The following CECR2 variants were observed in gnomAD, a reference collection of about 807,000 sequenced individuals.
CECR2 encodes the protein chromatin remodeling regulator CECR2.
Under a neutral mutation model 154.5 loss-of-function variants are expected in CECR2, and 30 were observed. The observed-to-expected ratio is 0.19, with a 90% confidence interval of 0.15 to 0.26. CECR2 has a LOEUF of 0.26. CECR2 is among the 10% of genes least tolerant of loss of function. The pLI, the probability that CECR2 is intolerant of heterozygous loss-of-function variation, is 1.00. For missense variants in CECR2, 1,743 were observed against 1,829.3 expected, an observed-to-expected ratio of 0.95 and a Z score of 0.86; for synonymous variants, 725 against 683.7, an observed-to-expected ratio of 1.06 and a Z score of -0.94.
At chr22:17,482,885 A>G (rs547270383) in intron 2 of CECR2, among the ~76,000 whole-genome samples, 1 of 151,126 alleles carries the variant, frequency 6.6e-6, no homozygotes. Flanking sequence ...GTTTCACCGC[A>G]TTAGCCAGGA....
At position 17,424,233 on chromosome 22, in the gene CECR2, C is replaced by T. The variant is rs555766779; in HGVS notation, c.127-53355C>T. 8.5e-5 allele frequency among the ~76,000 whole-genome samples: 13 copies of T among 152,130 alleles called. No individual in the cohort carries two copies. In the East Asian group the frequency reaches 2.5e-3, roughly 29 times the overall value. ...GCTTACAGGTGTGAGCCACCACACC[C>T]GGCCATGGTTACTTTTTTTTTTTAA... On this transcript the variant is annotated intron_variant, in intron 1 of 18. Coordinates refer to ENST00000262608, the MANE Select transcript of CECR2 (RefSeq NM_001290047.2).
At chr22:17,363,552 A>G (rs1377661291) in intron 1 of CECR2, among the ~76,000 whole-genome samples, 3 of 152,132 alleles carry the variant, frequency 2.0e-5, no homozygotes, top group Admixed American at 2.0e-4. Context: ...TATGTTGGCC[A>G]GGCTGGGCTC....
At chr22:17,521,524 CAA>C (rs695285) in intron 8 of CECR2, among the ~76,000 whole-genome samples, 144 of 142,298 alleles carry the variant, frequency 1.0e-3, no homozygotes, top group East Asian at 1.2e-3. Flanking sequence ...GACTCCATCT[CAA>C]AAAAAAAAAA....
At chr22:17,375,041 A>G (rs1288177169) in intron 1 of CECR2, among the ~76,000 whole-genome samples, 1 of 152,314 alleles carries the variant, frequency 6.6e-6, no homozygotes, top group Middle Eastern at 3.4e-3. Context: ...TGTGGGGTAC[A>G]GAAGATCTTT....
intron 1 of CECR2, among the ~76,000 whole-genome samples, chr22:17,363,396 C>T (rs1396544502): frequency 6.6e-6 from 1 of 152,040 alleles, no homozygotes; most frequent in Non-Finnish European, 1.5e-5. Flanking sequence ...TTAGTAGACA[C>T]GGACATTCAC....
chr22:17,428,826 G>GTGTGTGTGTATA (rs369291932), intron 1 of CECR2, among the ~76,000 whole-genome samples: 115 of 150,710 alleles, frequency 7.6e-4, no homozygotes, highest in African/African-American at 2.7e-3. Context: ...GTGTGTGTGT[G>GTGTGTGTGTATA]TATATAAAGG....
At position 17,460,320 on chromosome 22, in the gene CECR2, C is replaced by T. The variant is rs570889219; in HGVS notation, c.127-17268C>T. 2.0e-5 allele frequency among the ~76,000 whole-genome samples: 3 copies of T among 152,266 alleles called. No individual in the cohort carries two copies. In the East Asian group the frequency reaches 5.8e-4, roughly 29 times the overall value. On this transcript the variant is annotated intron_variant, in intron 1 of 18. Transcript: ENST00000262608. Reference sequence around the variant, plus strand: ...TGTCTCCTGGGTTCAAGCAATTCTCCCGCCTCAGCCTCCCGACTAGCTGGG... The same window carrying T: ...TGTCTCCTGGGTTCAAGCAATTCTCTCGCCTCAGCCTCCCGACTAGCTGGG...
At chr22:17,550,929 A>G (rs573444800) in intron 17 of CECR2, among the ~76,000 whole-genome samples, 1 of 152,100 alleles carries the variant, frequency 6.6e-6, no homozygotes, top group South Asian at 2.1e-4. Flanking sequence ...GCAACAGAGC[A>G]AGACTCTGTC....
intron 8 of CECR2, chr22:17,518,677 T>G: frequency 4.5e-6 from 2 of 445,920 alleles, no homozygotes; most frequent in Non-Finnish European, 4.6e-6. Flanking sequence ...CAGGTCTTAT[T>G]GATGAATTAC....
At chr22:17,498,966 TA>T (rs1343715127) in intron 3 of CECR2, among the ~76,000 whole-genome samples, 1 of 151,666 alleles carries the variant, frequency 6.6e-6, no homozygotes, top group Admixed American at 6.6e-5. Context: ...TTACATAAGA[TA>T]CTTGGACATT....
Position 17,524,180 on chromosome 22 carries a change from G to T in CECR2, c.1017G>T (p.Gln339His). The T allele has an allele frequency of 6.2e-7, 1 of 1,607,850 alleles. No individual in the cohort carries two copies. The highest frequency in any genetic ancestry group is 1.7e-5 in the Admixed American group (1 of 58,992). ...GCAAAGAGGAGGAAGAAGAGCGTCA[G>T]ATTCTTCTAGCAGTGCAGAAGAAGG... is the stretch of plus-strand genomic sequence containing the variant. Reference protein sequence around the residue: ...QKRKEEEEERQILLAVQKKEQ... With the variant: ...QKRKEEEEERHILLAVQKKEQ... The change falls in exon 9 of 19, where the codon CAG (glutamine) becomes CAT (histidine). Residue 339 changes from glutamine to histidine, a missense_variant. Physicochemically the swap from Gln to His is conservative, Grantham distance 24. Around this residue, in one of 4 missense-constraint regions of CECR2, gnomAD observed 292 missense variants for 301.2 expected, o/e 0.97. Coordinates refer to ENST00000262608, the MANE Select transcript of CECR2 (RefSeq NM_001290047.2).
At chr22:17,375,861 A>AG in intron 1 of CECR2, among the ~76,000 whole-genome samples, 1 of 152,022 alleles carries the variant, frequency 6.6e-6, no homozygotes, top group Non-Finnish European at 1.5e-5. Flanking sequence ...AGGCTGAGGC[A>AG]GGAGAATTCA....
At chr22:17,474,089 G>GA (rs2055170941) in intron 1 of CECR2, among the ~76,000 whole-genome samples, 1 of 152,082 alleles carries the variant, frequency 6.6e-6, no homozygotes, top group African/African-American at 2.4e-5. Context: ...AAAGAGAAAA[G>GA]GCTTTACTCT....
rs1368801082 is a variant in CECR2, at chr22:17,374,962, G to C, written c.126+5053G>C. On this transcript the variant is annotated intron_variant, in intron 1 of 18. Coordinates refer to ENST00000262608, the MANE Select transcript of CECR2 (RefSeq NM_001290047.2). ...CTGCAGGTCTTATTATCTTTAAAAT[G>C]ACGGGCCAGACCCATATGGAATGGC... Among the ~76,000 whole-genome samples, 4 of 152,038 alleles carry C rather than the reference G, an allele frequency of 2.6e-5. No individual in the cohort carries two copies. The East Asian group carries it at 7.7e-4, about 29-fold the overall frequency.
intron 1 of CECR2, among the ~76,000 whole-genome samples, chr22:17,438,960 G>A (rs1369824440): frequency 1.3e-5 from 2 of 152,098 alleles, no homozygotes; most frequent in Non-Finnish European, 2.9e-5. Flanking sequence ...AGGATCACTT[G>A]AGGCCAGGAC....
chr22:17,402,237 G>A (rs888893633), intron 1 of CECR2, among the ~76,000 whole-genome samples: 5 of 152,104 alleles, frequency 3.3e-5, no homozygotes, highest in African/African-American at 1.2e-4. Flanking sequence ...CACCTGCCTC[G>A]GCCTCCCAAA....
Position 17,543,053 on chromosome 22 carries a change from A to T in CECR2, c.2860+50A>T, listed in dbSNP as rs923157774. 4 of 1,526,624 alleles carry T rather than the reference A, an allele frequency of 2.6e-6. No individual in the cohort carries two copies. The African/African-American group carries it at 5.5e-5, about 21-fold the overall frequency. 94.6% of individuals were successfully genotyped at this position (1,526,624 alleles called of 1,614,324 possible). On this transcript the variant is annotated intron_variant, in intron 16 of 18. Coordinates refer to ENST00000262608, the MANE Select transcript of CECR2 (RefSeq NM_001290047.2). ...TCTTTAAGCTCTTGTTTCATGAGTA[A>T]TCTTTTTACACAGCATATCAAACCA...
intron 1 of CECR2, among the ~76,000 whole-genome samples, chr22:17,380,620 T>C (rs1376002844): frequency 6.6e-6 from 1 of 152,186 alleles, no homozygotes; most frequent in East Asian, 1.9e-4. Flanking sequence ...CAGAACAGAC[T>C]GTGTGTACCC....
intron 1 of CECR2, among the ~76,000 whole-genome samples, chr22:17,447,038 T>TTTTTTTTG: frequency 1.4e-5 from 2 of 141,608 alleles, no homozygotes; most frequent in East Asian, 4.5e-4. Flanking sequence ...ACAATCTTTT[T>TTTTTTTTG]TTTTTTTTTT....
Sources: allele counts gnomAD v4.1 joint callset (sites outside exome capture counted in the v4.1 genomes callset), GRCh38; gene constraint gnomAD v4.1.1; regional missense constraint gnomAD v4.1.1; transcripts MANE v1.5; gene names NCBI Gene and HGNC (gene_info 2026-07-23, HGNC 2026-07-21).